The following KCNMB2 variants were observed in gnomAD, a reference collection of about 807,000 sequenced individuals.
The protein encoded by KCNMB2 is calcium-activated potassium channel subunit beta-2.
In KCNMB2, 9 loss-of-function variants were observed where a neutral mutation model predicts 24.5. The observed-to-expected ratio is 0.37, with a 90% CI of 0.22 to 0.64. The LOEUF (loss-of-function observed/expected upper bound fraction) is 0.64. KCNMB2 is among the 30% of genes least tolerant of loss of function. The pLI is 0.63. For synonymous variants in KCNMB2, 109 were observed against 104.4 expected, an observed-to-expected ratio of 1.04 and a Z score of -0.27; for missense variants, 226 against 284.3, an observed-to-expected ratio of 0.79 and a Z score of 1.47.
rs150851899 is a variant in KCNMB2 at position 178,633,271 on chromosome 3, T to G, written c.-68+96560T>G. On this transcript the variant is annotated intron_variant, in intron 1 of 4. Coordinates refer to ENST00000452583, the MANE Select transcript of KCNMB2 (RefSeq NM_181361.3). ...CTAGGCAGTGCCTCAATGGGGACTC[T>G]GTGTGGGGGATTCAACCCACATTTC... Among the ~76,000 whole-genome samples, 121 of 152,314 alleles carry G rather than the reference T, an allele frequency of 7.9e-4. 2 individuals carry two copies. Among genetic ancestry groups the G allele is most frequent in the African/African-American group, 2.8e-3 (117 of 41,570 alleles).
At chr3:178,697,158 T>C (rs1345846314) in intron 1 of KCNMB2, among the ~76,000 whole-genome samples, 1 of 152,174 alleles carries the variant, frequency 6.6e-6, no homozygotes, top group Non-Finnish European at 1.5e-5. Flanking sequence ...TGAATACCTT[T>C]GTTGATTTTC....
chr3:178,579,086 G>T (rs774211398), intron 1 of KCNMB2, among the ~76,000 whole-genome samples: 1 of 151,920 alleles, frequency 6.6e-6, no homozygotes, highest in African/African-American at 2.4e-5. Context: ...TCTAAGAACC[G>T]CAACATGCTT....
Position 178,610,537 on chromosome 3 carries a change from A to AT in KCNMB2, c.-68+73829dup, listed in dbSNP as rs111838068. ...CTATTTTAAATGGGATTACTTTTTA[A>AT]TTTCTTTTTCACATTGTTCACTGTT... On this transcript the variant is annotated intron_variant, in intron 1 of 4. Coordinates refer to ENST00000452583, the MANE Select transcript of KCNMB2 (RefSeq NM_181361.3). 9.0e-3 allele frequency among the ~76,000 whole-genome samples: 1,376 copies of AT among 152,100 alleles called. 19 individuals are homozygous for AT. Among genetic ancestry groups the AT allele is most frequent in the African/African-American group, 0.031 (1,303 of 41,480 alleles).
chr3:178,717,779 G>T (rs1471012592), intron 1 of KCNMB2, among the ~76,000 whole-genome samples: 1 of 151,828 alleles, frequency 6.6e-6, no homozygotes, highest in Non-Finnish European at 1.5e-5. Flanking sequence ...ATACAAAGAT[G>T]AATAAGACAG....
chr3:178,758,061 T>A (rs1577157325), intron 1 of KCNMB2, among the ~76,000 whole-genome samples: 8 of 47,244 alleles, frequency 1.7e-4, no homozygotes, highest in South Asian at 6.7e-4. Context: ...TATATATATC[T>A]CCAAGAGGAT....
chr3:178,794,915 G>C (rs1285918672), intron 1 of KCNMB2, among the ~76,000 whole-genome samples: 1 of 152,166 alleles, frequency 6.6e-6, no homozygotes, highest in Non-Finnish European at 1.5e-5. Flanking sequence ...TTTATGGCAA[G>C]TCATGCCTGG....
At position 178,665,279 on chromosome 3, in the gene KCNMB2, G is replaced by A. The variant is rs1482620715; in HGVS notation, c.-68+128568G>A. On this transcript the variant is annotated intron_variant, in intron 1 of 4. Transcript: ENST00000452583. ...AAGAGTTTATTAACAAGAGAAGAGA[G>A]GTTCATGTGCTATCTGTAATTTCAA... is the stretch of plus-strand genomic sequence containing the variant. Among the ~76,000 whole-genome samples, 3 of 152,172 alleles carry A rather than the reference G, an allele frequency of 2.0e-5. No homozygotes were observed. In the East Asian group the frequency reaches 5.8e-4, roughly 29 times the overall value.
chr3:178,590,121 G>T (rs529171965), intron 1 of KCNMB2, among the ~76,000 whole-genome samples: 7 of 152,120 alleles, frequency 4.6e-5, no homozygotes, highest in Non-Finnish European at 8.8e-5. Context: ...ATTTGGGAAG[G>T]TTTAACCAGA....
chr3:178,590,442 A>G (rs1717624800), intron 1 of KCNMB2, among the ~76,000 whole-genome samples: 1 of 152,170 alleles, frequency 6.6e-6, no homozygotes, highest in Non-Finnish European at 1.5e-5. Context: ...TTTTGTATTT[A>G]TGACTTTAGT....
chr3:178,583,131 T>A (rs1717277261), intron 1 of KCNMB2, among the ~76,000 whole-genome samples: 1 of 152,202 alleles, frequency 6.6e-6, no homozygotes, highest in Non-Finnish European at 1.5e-5. Context: ...GTGAACAGTC[T>A]TAAAGTATAC....
At chr3:178,595,801 A>G (rs1257854711) in intron 1 of KCNMB2, among the ~76,000 whole-genome samples, 3 of 152,124 alleles carry the variant, frequency 2.0e-5, no homozygotes, top group African/African-American at 7.2e-5. Context: ...GAACGGACTA[A>G]TAGAGGTGCC....
intron 1 of KCNMB2, among the ~76,000 whole-genome samples, chr3:178,767,307 C>T (rs1712163626): frequency 6.6e-6 from 1 of 152,064 alleles, no homozygotes; most frequent in South Asian, 2.1e-4. Context: ...AAATAATATA[C>T]ACAAATGGTC....
chr3:178,670,196 C>A (rs1720853711), intron 1 of KCNMB2, among the ~76,000 whole-genome samples: 1 of 152,078 alleles, frequency 6.6e-6, no homozygotes, highest in African/African-American at 2.4e-5. Flanking sequence ...ACACTCAAAG[C>A]AGGTTTCAAA....
intron 1 of KCNMB2, among the ~76,000 whole-genome samples, chr3:178,550,920 G>A (rs1363797827): frequency 6.6e-6 from 1 of 152,242 alleles, no homozygotes; most frequent in Non-Finnish European, 1.5e-5. Context: ...TAAGATGAGA[G>A]TGGGTAATCA....
chr3:178,781,390 G>C (rs1435584443), intron 1 of KCNMB2, among the ~76,000 whole-genome samples: 1 of 151,902 alleles, frequency 6.6e-6, no homozygotes, highest in Non-Finnish European at 1.5e-5. Context: ...TCAGGGGTTT[G>C]AGACCAGCCT....
intron 1 of KCNMB2, among the ~76,000 whole-genome samples, chr3:178,634,435 C>T (rs755968238): frequency 6.6e-6 from 1 of 152,054 alleles, no homozygotes; most frequent in Non-Finnish European, 1.5e-5. Context: ...AGCAAACATG[C>T]CCTTCTTCAC....
At chr3:178,583,031 G>C (rs1228823735) in intron 1 of KCNMB2, among the ~76,000 whole-genome samples, 1 of 152,068 alleles carries the variant, frequency 6.6e-6, no homozygotes, top group Non-Finnish European at 1.5e-5. Flanking sequence ...CTTTAAAAAT[G>C]GAATAATTTT....
intron 1 of KCNMB2, among the ~76,000 whole-genome samples, chr3:178,563,305 A>G (rs1716390417): frequency 6.6e-6 from 1 of 152,248 alleles, no homozygotes; most frequent in Non-Finnish European, 1.5e-5. Flanking sequence ...GCACAGAGTA[A>G]GCATTATCTA....
chr3:178,546,771 T>C (rs766899677), intron 1 of KCNMB2, among the ~76,000 whole-genome samples: 9 of 152,226 alleles, frequency 5.9e-5, no homozygotes, highest in Non-Finnish European at 1.2e-4. Flanking sequence ...TCCAAGGTAT[T>C]AAGCAGGGGG....
Sources: gnomAD v4.1 joint callset for allele counts (sites outside exome capture counted in the v4.1 genomes callset) on GRCh38, gnomAD v4.1.1 for gene constraint, MANE v1.5 for transcripts, NCBI Gene and HGNC (gene_info 2026-07-23, HGNC 2026-07-21) for gene names.